STAG1: variants seen among roughly 807,000 people sequenced by gnomAD.
The protein encoded by STAG1 is cohesin subunit SA-1.
A neutral mutation model predicts 170.9 loss-of-function variants in STAG1; 26 were observed. The ratio of observed to expected loss-of-function variants is 0.15; its 90% CI spans 0.11 to 0.21. The LOEUF (loss-of-function observed/expected upper bound fraction) is 0.21, where lower values mean the gene tolerates loss of function less well. Among genes scored for constraint, STAG1 ranks in the 10% least tolerant of loss-of-function variants. The pLI is 1.00. For missense variants in STAG1, 964 were observed against 1,509.5 expected (o/e 0.64, Z 5.99); for synonymous variants, 514 against 497.7 (o/e 1.03, Z -0.44).
At chr3:136,466,591 C>A (rs1372392086) in intron 12 of STAG1, among the ~76,000 whole-genome samples, 1 of 152,128 alleles carries the variant, frequency 6.6e-6, no homozygotes, top group Admixed American at 6.5e-5. Context: ...AGGATATTAT[C>A]CAGGAGAACT....
At position 136,714,936 on chromosome 3, in the gene STAG1, T is replaced by A. The variant is rs866701887; in HGVS notation, c.-84+37259A>T. On this transcript the variant is annotated intron_variant, in intron 1 of 33. Coordinates refer to ENST00000383202, the MANE Select transcript of STAG1 (RefSeq NM_005862.3). ...AAAAAAAAAAAACAAATATATATAT[T>A]AAATATATATATATATATATATATA... Among the ~76,000 whole-genome samples the A allele has an allele frequency of 1.0e-3, 48 of 45,786 alleles. 1 individual carries two copies. Among genetic ancestry groups the A allele is most frequent in the African/African-American group, 5.0e-3 (44 of 8,750 alleles). 30.0% of individuals were successfully genotyped at this position (45,786 alleles called of 152,430 possible). A position where few individuals can be genotyped will look rare whatever the true frequency, so the allele number is the denominator to read the frequency against.
At chr3:136,451,009 A>G (rs2088922558) in intron 14 of STAG1, among the ~76,000 whole-genome samples, 2 of 152,120 alleles carry the variant, frequency 1.3e-5, no homozygotes, top group Admixed American at 1.3e-4. Flanking sequence ...TCGGCCTCCC[A>G]AAGTGCTGGG....
At chr3:136,662,892 A>G (rs988711961) in intron 1 of STAG1, among the ~76,000 whole-genome samples, 1 of 152,100 alleles carries the variant, frequency 6.6e-6, no homozygotes, top group Non-Finnish European at 1.5e-5. Flanking sequence ...TCTCTACTAA[A>G]TGTCAAAAAT....
intron 1 of STAG1, among the ~76,000 whole-genome samples, chr3:136,741,158 C>G (rs1934650003): frequency 6.6e-6 from 1 of 152,200 alleles, no homozygotes; most frequent in Non-Finnish European, 1.5e-5. Context: ...TATAAAAGAT[C>G]TGAGTTTCTC....
chr3:136,723,655 TG>T (rs1219191105), intron 1 of STAG1, among the ~76,000 whole-genome samples: 3 of 112,212 alleles, frequency 2.7e-5, no homozygotes, highest in Admixed American at 9.0e-5. Flanking sequence ...GGGAGGGAGG[TG>T]GGGGGGTCAG....
At chr3:136,354,099 A>G (rs1336027891) in intron 28 of STAG1, among the ~76,000 whole-genome samples, 1 of 152,230 alleles carries the variant, frequency 6.6e-6, no homozygotes, top group African/African-American at 2.4e-5. Flanking sequence ...CTATAAATAC[A>G]TACTGGCTTT....
chr3:136,587,588 A>G (rs1937900997), intron 4 of STAG1, among the ~76,000 whole-genome samples: 1 of 151,692 alleles, frequency 6.6e-6, no homozygotes, highest in Non-Finnish European at 1.5e-5. Context: ...GACCCAATAC[A>G]TTCTGTATAT....
At chr3:136,498,288 C>CAT (rs1933265346) in intron 9 of STAG1, among the ~76,000 whole-genome samples, 1 of 128,596 alleles carries the variant, frequency 7.8e-6, no homozygotes, top group African/African-American at 3.0e-5. Context: ...CACACATACA[C>CAT]ACACACACAC....
At chr3:136,698,814 C>T (rs962013465) in intron 1 of STAG1, among the ~76,000 whole-genome samples, 1 of 152,110 alleles carries the variant, frequency 6.6e-6, no homozygotes, top group Non-Finnish European at 1.5e-5. Flanking sequence ...ACCTAAGTGC[C>T]CATCAACCAA....
intron 4 of STAG1, among the ~76,000 whole-genome samples, chr3:136,583,172 T>C (rs111228145): frequency 4.6e-5 from 7 of 152,284 alleles, no homozygotes; most frequent in African/African-American, 1.4e-4. Context: ...TAAAAGAAGA[T>C]TAAATTAAAA....
chr3:136,570,548 G>C (rs1013797697), intron 4 of STAG1, among the ~76,000 whole-genome samples: 4 of 152,260 alleles, frequency 2.6e-5, no homozygotes, highest in Admixed American at 2.6e-4. Flanking sequence ...ACAGAACCAA[G>C]AGCAGATCTG....
chr3:136,648,447 C>T (rs894116755), intron 1 of STAG1, among the ~76,000 whole-genome samples: 4 of 152,174 alleles, frequency 2.6e-5, no homozygotes, highest in South Asian at 2.1e-4. Flanking sequence ...ATTTCACATC[C>T]TAATTTTACT....
At chr3:136,387,412 G>A (rs563567703) in intron 22 of STAG1, among the ~76,000 whole-genome samples, 7 of 152,204 alleles carry the variant, frequency 4.6e-5, no homozygotes, top group African/African-American at 1.7e-4. Context: ...CTACCACAGT[G>A]ACTAATATAT....
intron 22 of STAG1, among the ~76,000 whole-genome samples, chr3:136,386,696 AT>A (rs1037792963): frequency 2.1e-3 from 312 of 149,622 alleles, no homozygotes; most frequent in African/African-American, 6.8e-3. Context: ...CACCTAGCTA[AT>A]TTTTTTTTTG....
chr3:136,551,481 T>G (rs184946027), intron 5 of STAG1, among the ~76,000 whole-genome samples: 14 of 150,750 alleles, frequency 9.3e-5, no homozygotes, highest in African/African-American at 3.4e-4. Flanking sequence ...GGTTTCTCTG[T>G]GTTGCCCAGG....
Position 136,719,778 on chromosome 3 carries a change from C to A in STAG1, c.-84+32417G>T, listed in dbSNP as rs573739759. On this transcript the variant is annotated intron_variant, in intron 1 of 33. Transcript: ENST00000383202. ...TGACAGGGCAATCTAGGATGGACTG[C>A]AAAATCCATACTCTTCCTAGATGCA... Among the ~76,000 whole-genome samples the A allele has an allele frequency of 4.6e-5, 7 of 152,072 alleles. No individual in the cohort carries two copies. In the South Asian group the frequency reaches 8.3e-4, roughly 18 times the overall value.
chr3:136,600,852 G>C (rs905328697), intron 4 of STAG1, among the ~76,000 whole-genome samples: 14 of 129,666 alleles, frequency 1.1e-4, no homozygotes, highest in Non-Finnish European at 2.1e-4. Context: ...ATTTTTTCTT[G>C]TTGTTGTTTG....
chr3:136,345,455 G>GTTTTT (rs34593330), intron 29 of STAG1, among the ~76,000 whole-genome samples: 19 of 99,234 alleles, frequency 1.9e-4, no homozygotes, highest in African/African-American at 2.7e-4. Flanking sequence ...TTACCTAGTT[G>GTTTTT]TTTTTTTTTT....
chr3:136,623,641 C>T (rs904379376), intron 2 of STAG1, among the ~76,000 whole-genome samples: 2 of 152,052 alleles, frequency 1.3e-5, no homozygotes, highest in African/African-American at 4.8e-5. Context: ...AAAAAAAATA[C>T]AAACACCTAA....
Sources: allele counts gnomAD v4.1 joint callset (sites outside exome capture counted in the v4.1 genomes callset), GRCh38; gene constraint gnomAD v4.1.1; transcripts MANE v1.5; gene names NCBI Gene and HGNC (gene_info 2026-07-23, HGNC 2026-07-21).